SLC66A2: variants seen among roughly 807,000 people sequenced by gnomAD.
SLC66A2 encodes the protein solute carrier family 66 member 2, also known as PQ loop repeat containing 1.
SLC66A2 carries 23 observed loss-of-function variants against 25.5 expected under a neutral mutation model. That is an observed-to-expected ratio of 0.90 (90% CI 0.65 to 1.28). SLC66A2 has a LOEUF of 1.28. Ranked by LOEUF, SLC66A2 falls within the 50% of genes most tolerant of loss-of-function variation. The pLI is 0.00. For synonymous variants in SLC66A2, 193 were observed against 166.5 expected, an observed-to-expected ratio of 1.16 and a Z score of -1.23; for missense variants, 396 against 373.1, an observed-to-expected ratio of 1.06 and a Z score of -0.51.
At chr18:79,926,095 AAC>A (rs1400181258) in intron 4 of SLC66A2, among the ~76,000 whole-genome samples, 1 of 152,254 alleles carries the variant, frequency 6.6e-6, no homozygotes, top group African/African-American at 2.4e-5. Flanking sequence ...ATGCTGTGGC[AAC>A]ATCAGGAAGT....
chr18:79,902,467 C>T lies in SLC66A2; in HGVS notation c.*1509G>A, dbSNP rs1981340792. 1 of 152,286 alleles carries T rather than the reference C, an allele frequency of 6.6e-6. No individual in the cohort carries two copies. Among genetic ancestry groups the T allele is most frequent in the Admixed American group, 6.5e-5 (1 of 15,288 alleles). The allele number at this position is 152,286 out of a possible 1,614,324, so 9.4% of individuals were successfully genotyped here. On this transcript the variant is annotated 3_prime_UTR_variant, in exon 6 of 6. Coordinates refer to ENST00000397778, the MANE Select transcript of SLC66A2 (RefSeq NM_025078.5). ...TGATTCCAAGTCGCCACACAGGGTA[C>T]ATTCAGCAGTCACTGCGCCTGCAGT...
At chr18:79,942,161 A>G (rs1987730622) in intron 3 of SLC66A2, among the ~76,000 whole-genome samples, 1 of 152,264 alleles carries the variant, frequency 6.6e-6, no homozygotes, top group South Asian at 2.1e-4. Flanking sequence ...TTTCTAGGCA[A>G]GATCTGTGGT....
chr18:79,948,754 T>A (rs993980386), intron 2 of SLC66A2, among the ~76,000 whole-genome samples: 5 of 152,186 alleles, frequency 3.3e-5, no homozygotes, highest in Non-Finnish European at 7.3e-5. Context: ...CCTCCATTAT[T>A]TTGGAGAGAA....
In SLC66A2 at chr18:79,941,284, T is replaced by C. The variant is rs1244811460; in HGVS notation, c.337+2045A>G. Among the ~76,000 whole-genome samples the C allele has an allele frequency of 6.6e-6, 1 of 152,068 alleles. No homozygotes were observed. The highest frequency in any genetic ancestry group is 1.5e-5 in the Non-Finnish European group (1 of 68,002). The stretch of plus-strand genomic sequence containing the variant: ...GGCCCTCAGCTCCAGCACCTGACCA[T>C]CTCCTCTGCGGCCCTTGTTCACGTC... On this transcript the variant is annotated intron_variant, in intron 3 of 5. Coordinates refer to ENST00000397778, the MANE Select transcript of SLC66A2 (RefSeq NM_025078.5). The surrounding 1 kb of genome is among the most constrained non-coding windows in gnomAD (Gnocchi z 4.1).
intron 5 of SLC66A2, among the ~76,000 whole-genome samples, chr18:79,905,394 G>C (rs1231146813): frequency 1.3e-5 from 2 of 152,218 alleles, no homozygotes; most frequent in Non-Finnish European, 2.9e-5. Flanking sequence ...GGGTAGCACC[G>C]GGGGAAGGTG....
chr18:79,922,544 A>T (rs1382074805), intron 4 of SLC66A2, among the ~76,000 whole-genome samples: 1 of 152,116 alleles, frequency 6.6e-6, no homozygotes, highest in Non-Finnish European at 1.5e-5. Flanking sequence ...TCCGTACCAC[A>T]TCCCTCCTGC....
chr18:79,906,547 T>C (rs1296687099), intron 5 of SLC66A2, among the ~76,000 whole-genome samples: 1 of 152,252 alleles, frequency 6.6e-6, no homozygotes, highest in Non-Finnish European at 1.5e-5. Flanking sequence ...ATTTCTGCTA[T>C]TAATTTCTAG....
At chr18:79,914,768 G>A (rs867551570) in intron 5 of SLC66A2, among the ~76,000 whole-genome samples, 2 of 152,222 alleles carry the variant, frequency 1.3e-5, no homozygotes, top group African/African-American at 2.4e-5. Flanking sequence ...CCAAAGAGAC[G>A]GAGCTTCAGA....
intron 2 of SLC66A2, among the ~76,000 whole-genome samples, chr18:79,949,146 C>A (rs759648817): frequency 1.1e-4 from 16 of 152,164 alleles, no homozygotes; most frequent in Non-Finnish European, 2.2e-4. Context: ...GGGGAAGAGG[C>A]AGCCAACCCA....
rs1981486201 is a variant in SLC66A2, at chr18:79,903,214, A to G, written c.*762T>C. 1 of 152,382 alleles carries G rather than the reference A, an allele frequency of 6.6e-6. No homozygotes were observed. Among genetic ancestry groups the G allele is most frequent in the South Asian group, 2.1e-4 (1 of 4,840 alleles). 9.4% of individuals were successfully genotyped at this position (152,382 alleles called of 1,614,324 possible). A position where few individuals can be genotyped will look rare whatever the true frequency, so the allele number is the denominator to read the frequency against. ...AGCCCGGCCCCCTCAGCCATTGCCC[A>G]TGAGGGCCTCCACGTTGTCTGATGG... On this transcript the variant is annotated 3_prime_UTR_variant, in exon 6 of 6. Transcript: ENST00000397778.
chr18:79,906,059 G>A (rs1156575982), intron 5 of SLC66A2, among the ~76,000 whole-genome samples: 2 of 152,226 alleles, frequency 1.3e-5, no homozygotes, highest in Non-Finnish European at 2.9e-5. Context: ...GTATGGGCAT[G>A]AGGTTGTTCA....
Position 79,950,880 on chromosome 18 carries a change from A to T in SLC66A2, c.47T>A (p.Leu16Gln). 1 of 1,603,356 alleles carries T rather than the reference A, an allele frequency of 6.2e-7. No individual in the cohort carries two copies. The highest frequency in any genetic ancestry group is 8.5e-7 in the Non-Finnish European group (1 of 1,176,056). ...LDWLLVPLHQLVSWGAAAAMV... is the reference protein window; with the variant it reads ...LDWLLVPLHQQVSWGAAAAMV... Reference sequence around the variant, plus strand: ...GGCCGCGGCCGCGCCCCAGGACACCAGCTGGTGCAGTGGCACCAGGAGCCA... The same window carrying T: ...GGCCGCGGCCGCGCCCCAGGACACCTGCTGGTGCAGTGGCACCAGGAGCCA... The change falls in exon 2 of 6, where the codon CTG becomes CAG. Residue 16 changes from leucine (L) to glutamine (Q), a missense_variant. By Grantham distance (113) the Leu-to-Gln change is moderately radical (BLOSUM62 -2). Transcript: ENST00000397778.
chr18:79,949,720 C>T (rs2051053866), intron 2 of SLC66A2: 1 of 152,290 alleles, frequency 6.6e-6, no homozygotes, highest in South Asian at 2.1e-4. Context: ...TACTCAGTGA[C>T]CAGAGTCAGA....
chr18:79,923,029 T>A (rs923380429), intron 4 of SLC66A2, among the ~76,000 whole-genome samples: 1 of 150,138 alleles, frequency 6.7e-6, no homozygotes, highest in Non-Finnish European at 1.5e-5. Context: ...TCACTCTGAG[T>A]GAGACGCTGC....
At chr18:79,922,717 G>C (rs927146264) in intron 4 of SLC66A2, among the ~76,000 whole-genome samples, 1 of 151,676 alleles carries the variant, frequency 6.6e-6, no homozygotes, top group African/African-American at 2.4e-5. Context: ...TGCAAGGCCC[G>C]CACCTGACCT....
In SLC66A2 at chr18:79,904,707, T is replaced by G. The variant is rs1458135824; in HGVS notation, c.609-524A>C. 6.6e-6 allele frequency among the ~76,000 whole-genome samples: 1 copy of G among 152,128 alleles called. No homozygotes were observed. Among genetic ancestry groups the G allele is most frequent in the East Asian group, 1.9e-4 (1 of 5,180 alleles). On this transcript the variant is annotated intron_variant, in intron 5 of 5. Transcript: ENST00000397778. The surrounding 1 kb of genome is among the most constrained non-coding windows in gnomAD (Gnocchi z 6.3). ...TTGGGTCTCTGCCGGCCTCCCTCCC[T>G]GGTGATAGATGCAAACCTTCCTTTC...
At chr18:79,939,816 G>A (rs1299574945) in intron 3 of SLC66A2, among the ~76,000 whole-genome samples, 1 of 152,198 alleles carries the variant, frequency 6.6e-6, no homozygotes, top group African/African-American at 2.4e-5. Flanking sequence ...AGATGGTGTG[G>A]TGATTCCTCA....
chr18:79,910,208 G>A (rs1163468374), intron 5 of SLC66A2, among the ~76,000 whole-genome samples: 3 of 117,158 alleles, frequency 2.6e-5, no homozygotes, highest in Non-Finnish European at 5.1e-5. Context: ...CCTCACCATA[G>A]AGTCCCCAAC....
chr18:79,908,457 T>A (rs887379219), intron 5 of SLC66A2, among the ~76,000 whole-genome samples: 1 of 152,218 alleles, frequency 6.6e-6, no homozygotes, highest in African/African-American at 2.4e-5. Flanking sequence ...TCCTCTTAAC[T>A]GCTTTCGACA....
Sources: allele counts gnomAD v4.1 joint callset (sites outside exome capture counted in the v4.1 genomes callset), GRCh38; gene constraint gnomAD v4.1.1; non-coding constraint Gnocchi (gnomAD v3.1); transcripts MANE v1.5; gene names NCBI Gene and HGNC (gene_info 2026-07-23, HGNC 2026-07-21).